The following SPTLC3 variants were observed in gnomAD, a reference collection of about 807,000 sequenced individuals.
SPTLC3 encodes the protein serine palmitoyltransferase 3.
A neutral mutation model predicts 59.3 loss-of-function variants in SPTLC3; 36 were observed. The ratio of observed to expected loss-of-function variants is 0.61; its 90% CI spans 0.47 to 0.80. The LOEUF (loss-of-function observed/expected upper bound fraction) is 0.80. SPTLC3 is among the 30% of genes least tolerant of loss of function. SPTLC3 has a pLI of 0.00. For synonymous variants in SPTLC3, 257 were observed against 240.8 expected, an observed-to-expected ratio of 1.07 and a Z score of -0.62; for missense variants, 625 against 685.1, an observed-to-expected ratio of 0.91 and a Z score of 0.98.
intron 2 of SPTLC3, among the ~76,000 whole-genome samples, chr20:13,063,393 A>C (rs1478765930): frequency 6.6e-6 from 1 of 152,054 alleles, no homozygotes; most frequent in East Asian, 1.9e-4. Flanking sequence ...CATTATATTT[A>C]GCCGCACATA....
At chr20:13,074,602 G>T in intron 4 of SPTLC3, 105 bp downstream of exon 4, 2 of 1,253,164 alleles carry the variant, frequency 1.6e-6, no homozygotes, top group Admixed American at 2.6e-5. Flanking sequence ...TTAAAAAGGT[G>T]TTATAAACTG....
intron 9 of SPTLC3, among the ~76,000 whole-genome samples, chr20:13,135,796 A>G (rs2038227673): frequency 6.6e-6 from 1 of 152,230 alleles, no homozygotes; most frequent in South Asian, 2.1e-4. Flanking sequence ...TTTCACCAAA[A>G]TGGCTATAAG....
chr20:13,104,517 C>T (rs144951072), intron 6 of SPTLC3, among the ~76,000 whole-genome samples: 179 of 152,278 alleles, frequency 1.2e-3, no homozygotes, highest in African/African-American at 4.0e-3. Context: ...TCCATTAAAC[C>T]TCATTTTCTT....
intron 1 of SPTLC3, among the ~76,000 whole-genome samples, chr20:13,022,991 G>A (rs1985965006): frequency 1.3e-5 from 2 of 152,034 alleles, no homozygotes; most frequent in East Asian, 3.9e-4. Context: ...CCCAGATGCT[G>A]CACAGCCTCT....
chr20:13,161,260 G>A (rs1009563904), intron 11 of SPTLC3, among the ~76,000 whole-genome samples: 4 of 152,214 alleles, frequency 2.6e-5, no homozygotes, highest in African/African-American at 7.2e-5. Flanking sequence ...AAGGTATACA[G>A]TAAGGAACAG....
chr20:13,112,395 A>G (rs956516177), intron 7 of SPTLC3, among the ~76,000 whole-genome samples: 8 of 152,290 alleles, frequency 5.3e-5, no homozygotes, highest in Middle Eastern at 3.4e-3. Flanking sequence ...CTGGCTTCCA[A>G]CAGAGCAAAA....
chr20:13,140,304 G>T (rs1600368805), intron 9 of SPTLC3, among the ~76,000 whole-genome samples: 1 of 152,248 alleles, frequency 6.6e-6, no homozygotes, highest in East Asian at 1.9e-4. Flanking sequence ...GAGTTTGAGT[G>T]CACCCCAGTC....
chr20:13,066,743 T>C (rs1365752227), intron 2 of SPTLC3, among the ~76,000 whole-genome samples: 1 of 152,010 alleles, frequency 6.6e-6, no homozygotes, highest in African/African-American at 2.4e-5. Context: ...CTCCCTTCTC[T>C]TCCTTCTTAC....
At chr20:13,142,715 G>T in intron 9 of SPTLC3, among the ~76,000 whole-genome samples, 1 of 152,150 alleles carries the variant, frequency 6.6e-6, no homozygotes, top group South Asian at 2.1e-4. Flanking sequence ...TTTATCTGGA[G>T]CTCAGGCACC....
intron 1 of SPTLC3, among the ~76,000 whole-genome samples, chr20:13,010,623 C>T (rs552291375): frequency 6.6e-5 from 10 of 152,322 alleles, no homozygotes; most frequent in Admixed American, 6.5e-4. Flanking sequence ...AGGTGCTCAA[C>T]TCCTGTCAGT....
intron 1 of SPTLC3, among the ~76,000 whole-genome samples, chr20:13,040,736 C>T (rs986912478): frequency 3.3e-5 from 5 of 150,996 alleles, no homozygotes; most frequent in Non-Finnish European, 7.4e-5. Flanking sequence ...TGCTTTCAGT[C>T]TGAAGACCTC....
At position 13,154,050 on chromosome 20, in the gene SPTLC3, C is replaced by A. The variant is rs771169201; in HGVS notation, c.1327C>A (p.Gln443Lys). The part of the protein sequence containing the change: ...QLAKNTRYFR[Q>K]RLQEMGFIIY... The stretch of plus-strand genomic sequence containing the variant: ...TGCGAAAAACACAAGATACTTCAGA[C>A]AAAGACTGCAGGAAATGGGATTCAT... The change falls in exon 10 of 12, where the codon CAA (glutamine) becomes AAA (lysine). Residue 443 changes from glutamine to lysine, a missense_variant. Coordinates refer to ENST00000399002, the MANE Select transcript of SPTLC3 (RefSeq NM_018327.4). 4 of 1,614,026 alleles carry A rather than the reference C, an allele frequency of 2.5e-6. No individual in the cohort carries two copies. The highest frequency in any genetic ancestry group is 3.4e-6 in the Non-Finnish European group (4 of 1,180,006).
At chr20:13,123,025 A>G (rs1483087014) in intron 8 of SPTLC3, among the ~76,000 whole-genome samples, 2 of 152,160 alleles carry the variant, frequency 1.3e-5, no homozygotes, top group Non-Finnish European at 2.9e-5. Context: ...GAATCTTTCA[A>G]TTGGCCATTG....
At chr20:13,080,531 C>T (rs1425282098) in intron 4 of SPTLC3, among the ~76,000 whole-genome samples, 1 of 113,080 alleles carries the variant, frequency 8.8e-6, no homozygotes, top group Admixed American at 8.3e-5. Context: ...ACAGGCAAAA[C>T]TGCACAGCCA....
At chr20:13,052,836 CT>C (rs1262300551) in intron 2 of SPTLC3, among the ~76,000 whole-genome samples, 2 of 152,166 alleles carry the variant, frequency 1.3e-5, no homozygotes, top group Non-Finnish European at 2.9e-5. Context: ...CAGACTGCCA[CT>C]CTAGATTCCT....
At chr20:13,110,070 A>T in intron 6 of SPTLC3, 42 bp from the exon 7 acceptor site, 1 of 1,515,362 alleles carries the variant, frequency 6.6e-7, no homozygotes, top group Non-Finnish European at 9.0e-7. Context: ...GGAAAAGTAA[A>T]CCCTTTCATG....
chr20:13,127,545 C>A (rs925631626), intron 9 of SPTLC3, among the ~76,000 whole-genome samples: 9 of 152,148 alleles, frequency 5.9e-5, no homozygotes, highest in African/African-American at 2.2e-4. Flanking sequence ...TGGGGTACTC[C>A]ATCAGTTTTC....
chr20:13,027,388 T>C (rs1394616417), intron 1 of SPTLC3, among the ~76,000 whole-genome samples: 3 of 152,032 alleles, frequency 2.0e-5, no homozygotes, highest in Admixed American at 2.0e-4. Flanking sequence ...ACTGACCTGT[T>C]TTAGGATGAG....
chr20:13,027,056 C>T (rs1986183467), intron 1 of SPTLC3, among the ~76,000 whole-genome samples: 1 of 152,176 alleles, frequency 6.6e-6, no homozygotes, highest in Non-Finnish European at 1.5e-5. Context: ...GCTGCCCACA[C>T]TGGTAACTGC....
Sources: allele counts gnomAD v4.1 joint callset (sites outside exome capture counted in the v4.1 genomes callset), GRCh38; gene constraint gnomAD v4.1.1; transcripts MANE v1.5; gene names NCBI Gene and HGNC (gene_info 2026-07-23, HGNC 2026-07-21).